CSMD3: variants seen among roughly 807,000 people sequenced by gnomAD.
CSMD3 encodes the protein CUB and Sushi multiple domains 3.
Under a neutral mutation model 435.2 loss-of-function variants are expected in CSMD3, and 177 were observed. That is an observed-to-expected ratio of 0.41 (90% CI 0.36 to 0.46). The LOEUF is 0.46. CSMD3 is among the 20% of genes least tolerant of loss of function. CSMD3 has a pLI of 0.34. For missense variants in CSMD3, 4,265 were observed against 4,504.6 expected, an observed-to-expected ratio of 0.95 and a Z score of 1.52; for synonymous variants, 1,656 against 1,520.5, an observed-to-expected ratio of 1.09 and a Z score of -2.07.
intron 3 of CSMD3, among the ~76,000 whole-genome samples, chr8:113,216,977 C>CA (rs1381619871): frequency 2.6e-5 from 4 of 151,636 alleles, no homozygotes; most frequent in Non-Finnish European, 5.9e-5. Flanking sequence ...AACTGAGGAA[C>CA]AAAAAACAAT....
chr8:112,921,893 G>A (rs1046517568), intron 9 of CSMD3, 142 bp from the exon 10 acceptor site: 4 of 686,200 alleles, frequency 5.8e-6, no homozygotes, highest in African/African-American at 5.4e-5. Context: ...GTGAAAGTAT[G>A]ACTTGTAGAA....
intron 3 of CSMD3, among the ~76,000 whole-genome samples, chr8:113,243,650 A>G (rs1039498343): frequency 2.0e-5 from 3 of 152,122 alleles, no homozygotes; most frequent in African/African-American, 7.2e-5. Context: ...GCTAGATTAT[A>G]TGGTAACTCT....
At chr8:112,513,777 A>T in intron 28 of CSMD3, among the ~76,000 whole-genome samples, 1 of 152,194 alleles carries the variant, frequency 6.6e-6, no homozygotes, top group East Asian at 1.9e-4. Flanking sequence ...TGCAAAAAAG[A>T]CCAGAATGAT....
chr8:113,185,141 A>C (rs80310985), intron 3 of CSMD3, among the ~76,000 whole-genome samples: 2,778 of 152,116 alleles, frequency 0.018, 83 homozygotes, highest in African/African-American at 0.063. Context: ...CTGTTAACTC[A>C]AATTTTGCCA....
chr8:112,583,548 C>T (rs1830490805), intron 23 of CSMD3, among the ~76,000 whole-genome samples: 3 of 151,820 alleles, frequency 2.0e-5, no homozygotes, highest in African/African-American at 7.3e-5. Flanking sequence ...AAATCCAAAC[C>T]TACCTGTGGT....
intron 23 of CSMD3, among the ~76,000 whole-genome samples, chr8:112,585,617 T>C (rs1830665209): frequency 6.6e-6 from 1 of 151,740 alleles, no homozygotes; most frequent in Non-Finnish European, 1.5e-5. Flanking sequence ...AATACCAGTA[T>C]AGGAAAGAAA....
intron 1 of CSMD3, among the ~76,000 whole-genome samples, chr8:113,352,805 A>G (rs1420548541): frequency 6.6e-6 from 1 of 152,208 alleles, no homozygotes; most frequent in Non-Finnish European, 1.5e-5. Context: ...ATAAAGAAGC[A>G]AAAAAGAATC....
At chr8:112,451,983 G>A (rs904327661) in intron 32 of CSMD3, among the ~76,000 whole-genome samples, 5 of 151,908 alleles carry the variant, frequency 3.3e-5, no homozygotes, top group African/African-American at 1.2e-4. Context: ...TGTTCATTTG[G>A]TTTACATTTC....
intron 13 of CSMD3, among the ~76,000 whole-genome samples, chr8:112,768,852 G>C (rs776171066): frequency 6.6e-6 from 1 of 151,686 alleles, no homozygotes; most frequent in Non-Finnish European, 1.5e-5. Flanking sequence ...CTTTGTCAAG[G>C]TCACCTATTC....
chr8:112,482,105 C>T (rs1385730173), intron 31 of CSMD3, among the ~76,000 whole-genome samples: 3 of 152,148 alleles, frequency 2.0e-5, no homozygotes, highest in Admixed American at 1.3e-4. Context: ...CTACACCTGT[C>T]ATCTCACTGA....
chr8:112,487,613 T>A (rs1820268001), intron 31 of CSMD3, among the ~76,000 whole-genome samples: 1 of 152,298 alleles, frequency 6.6e-6, no homozygotes, highest in East Asian at 1.9e-4. Context: ...CAAAGATCAC[T>A]CTATTGTGTT....
intron 15 of CSMD3, among the ~76,000 whole-genome samples, chr8:112,684,128 A>G (rs1005449317): frequency 6.6e-6 from 1 of 151,976 alleles, no homozygotes; most frequent in Non-Finnish European, 1.5e-5. Flanking sequence ...AACTATCAAC[A>G]TTAAAGTTAA....
At chr8:112,399,154 G>A (rs1037983694) in intron 35 of CSMD3, among the ~76,000 whole-genome samples, 3 of 152,032 alleles carry the variant, frequency 2.0e-5, no homozygotes, top group South Asian at 2.1e-4. Context: ...TTGACTTCAC[G>A]TGATCCACCC....
intron 1 of CSMD3, among the ~76,000 whole-genome samples, chr8:113,404,497 C>A (rs2094523947): frequency 6.6e-6 from 1 of 151,330 alleles, no homozygotes; most frequent in Non-Finnish European, 1.5e-5. Flanking sequence ...TAGGATTCAG[C>A]AAGTCCTCAA....
chr8:112,634,127 G>C (rs1484975377), intron 22 of CSMD3, among the ~76,000 whole-genome samples: 1 of 151,910 alleles, frequency 6.6e-6, no homozygotes, highest in African/African-American at 2.4e-5. Context: ...AAAGTACAAA[G>C]AGGTTAAGAA....
At chr8:112,232,899 G>A (rs971933075) in intron 68 of CSMD3, among the ~76,000 whole-genome samples, 1 of 152,140 alleles carries the variant, frequency 6.6e-6, no homozygotes, top group African/African-American at 2.4e-5. Flanking sequence ...ATGAGATGAT[G>A]AGACATGAAG....
rs540333981 is a variant in CSMD3, at chr8:112,868,630, A to G, written c.1634-9364T>C. Among the ~76,000 whole-genome samples the G allele has an allele frequency of 3.0e-4, 46 of 152,300 alleles. No individual in the cohort carries two copies. In the South Asian group the frequency reaches 5.2e-3, roughly 17 times the overall value. ...ATGACTGTATATGCAAAGCTACAGTAATCATAACAGTATGGTACTGGCATA... is the reference window on the plus strand; with the variant it reads ...ATGACTGTATATGCAAAGCTACAGTGATCATAACAGTATGGTACTGGCATA... On this transcript the variant is annotated intron_variant, in intron 10 of 70. Coordinates refer to ENST00000297405, the MANE Select transcript of CSMD3 (RefSeq NM_198123.2).
At chr8:113,421,649 G>A (rs886072639) in intron 1 of CSMD3, among the ~76,000 whole-genome samples, 1 of 151,996 alleles carries the variant, frequency 6.6e-6, no homozygotes, top group Non-Finnish European at 1.5e-5. Context: ...AATAGGATTC[G>A]GAACCAAGGT....
At chr8:112,736,822 T>C (rs2077195107) in intron 13 of CSMD3, among the ~76,000 whole-genome samples, 1 of 151,980 alleles carries the variant, frequency 6.6e-6, no homozygotes, top group East Asian at 1.9e-4. Flanking sequence ...TCGATTAATA[T>C]ATTTTTCTTA....
Sources: allele counts gnomAD v4.1 joint callset (sites outside exome capture counted in the v4.1 genomes callset), GRCh38; gene constraint gnomAD v4.1.1; transcripts MANE v1.5; gene names NCBI Gene and HGNC (gene_info 2026-07-23, HGNC 2026-07-21).